The following PLCB1 variants were observed in gnomAD, a reference collection of about 807,000 sequenced individuals.
PLCB1 encodes the protein 1-phosphatidylinositol 4,5-bisphosphate phosphodiesterase beta-1.
Under a neutral mutation model 161.8 loss-of-function variants are expected in PLCB1, and 46 were observed. The ratio of observed to expected loss-of-function variants is 0.28; its 90% CI spans 0.22 to 0.36. The LOEUF is 0.36. Among genes scored for constraint, PLCB1 ranks in the 10% least tolerant of loss-of-function variants. The probability of loss-of-function intolerance (pLI) is 1.00; values close to 1 mark genes in which losing one functional copy is unlikely to be tolerated. For missense variants in PLCB1, 1,016 were observed against 1,472.5 expected, an observed-to-expected ratio of 0.69 and a Z score of 5.07; for synonymous variants, 517 against 503.7, an observed-to-expected ratio of 1.03 and a Z score of -0.35.
At chr20:8,274,550 A>G (rs1259827545) in intron 2 of PLCB1, among the ~76,000 whole-genome samples, 1 of 151,914 alleles carries the variant, frequency 6.6e-6, no homozygotes, top group Non-Finnish European at 1.5e-5. Context: ...ATATTTCATT[A>G]GTACTAGCAC....
intron 9 of PLCB1, among the ~76,000 whole-genome samples, chr20:8,667,835 A>G (rs1428565308): frequency 6.6e-6 from 1 of 152,152 alleles, no homozygotes; most frequent in African/African-American, 2.4e-5. Flanking sequence ...ATTTCATGGG[A>G]GAGCTATTGG....
chr20:8,757,904 C>T (rs143229982), intron 24 of PLCB1, among the ~76,000 whole-genome samples: 6 of 150,426 alleles, frequency 4.0e-5, no homozygotes, highest in African/African-American at 1.5e-4. Context: ...AAATAAAAAT[C>T]CTTTGATTTC....
intron 2 of PLCB1, among the ~76,000 whole-genome samples, chr20:8,366,308 A>T (rs1041643748): frequency 6.6e-6 from 1 of 151,928 alleles, no homozygotes. Flanking sequence ...AAGACCCTAA[A>T]ATTAATTATT....
intron 2 of PLCB1, among the ~76,000 whole-genome samples, chr20:8,298,115 T>A (rs1357027417): frequency 6.6e-6 from 1 of 151,818 alleles, no homozygotes; most frequent in Non-Finnish European, 1.5e-5. Flanking sequence ...AACAACATAG[T>A]GAGACCCTGT....
intron 2 of PLCB1, among the ~76,000 whole-genome samples, chr20:8,192,252 C>G (rs2051977769): frequency 6.6e-6 from 1 of 151,930 alleles, no homozygotes; most frequent in South Asian, 2.1e-4. Context: ...TCTGTTTATA[C>G]CTATCTCATG....
chr20:8,326,988 C>G (rs1456644184), intron 2 of PLCB1, among the ~76,000 whole-genome samples: 1 of 152,208 alleles, frequency 6.6e-6, no homozygotes, highest in African/African-American at 2.4e-5. Flanking sequence ...TGGGCTCAAG[C>G]AATTATCCCA....
chr20:8,556,609 A>C (rs1985959885), intron 3 of PLCB1, among the ~76,000 whole-genome samples: 1 of 151,704 alleles, frequency 6.6e-6, no homozygotes, highest in South Asian at 2.1e-4. Flanking sequence ...ACAGCAGGAA[A>C]TGAAGGCTAA....
intron 2 of PLCB1, among the ~76,000 whole-genome samples, chr20:8,282,662 G>A (rs1982925198): frequency 6.6e-6 from 1 of 152,134 alleles, no homozygotes; most frequent in African/African-American, 2.4e-5. Flanking sequence ...AAATAAGCAT[G>A]CAAAGCAAGG....
chr20:8,590,050 G>A (rs1600174112), intron 3 of PLCB1, among the ~76,000 whole-genome samples: 1 of 152,080 alleles, frequency 6.6e-6, no homozygotes, highest in East Asian at 1.9e-4. Flanking sequence ...ATGAATTTCG[G>A]GTGGGGACAT....
At chr20:8,421,944 A>G (rs1979554117) in intron 3 of PLCB1, among the ~76,000 whole-genome samples, 2 of 152,238 alleles carry the variant, frequency 1.3e-5, no homozygotes, top group Admixed American at 6.5e-5. Context: ...CGTTGAAGTT[A>G]AAGACCTGCT....
intron 3 of PLCB1, among the ~76,000 whole-genome samples, chr20:8,423,866 G>C (rs937272777): frequency 3.3e-5 from 5 of 152,210 alleles, no homozygotes; most frequent in Admixed American, 6.5e-5. Flanking sequence ...TCTATGCATC[G>C]CTCAGAGCTT....
chr20:8,851,738 T>G (rs1464011272), intron 31 of PLCB1, among the ~76,000 whole-genome samples: 1 of 151,946 alleles, frequency 6.6e-6, no homozygotes, highest in African/African-American at 2.4e-5. Flanking sequence ...TTTTTTTCAT[T>G]TTTTTTCATT....
intron 3 of PLCB1, among the ~76,000 whole-genome samples, chr20:8,612,755 T>A (rs1987938683): frequency 1.3e-5 from 2 of 152,224 alleles, no homozygotes; most frequent in African/African-American, 4.8e-5. Flanking sequence ...ACTACCAACC[T>A]AATTAATGAC....
intron 2 of PLCB1, among the ~76,000 whole-genome samples, chr20:8,153,422 G>A (rs1461779577): frequency 6.6e-6 from 1 of 152,112 alleles, no homozygotes; most frequent in Non-Finnish European, 1.5e-5. Context: ...AGTCATGGGT[G>A]AGAAGGGAGT....
chr20:8,863,607 A>G (rs183517967), intron 31 of PLCB1, among the ~76,000 whole-genome samples: 66 of 152,340 alleles, frequency 4.3e-4, no homozygotes, highest in African/African-American at 1.5e-3. Flanking sequence ...GGAGACCTCA[A>G]TTTGGGAGCT....
intron 31 of PLCB1, among the ~76,000 whole-genome samples, chr20:8,847,729 A>G (rs1600378992): frequency 6.6e-6 from 1 of 152,182 alleles, no homozygotes; most frequent in East Asian, 1.9e-4. Flanking sequence ...CTCAGCTTCA[A>G]TAATTTACTA....
At chr20:8,655,780 TC>T (rs2123314694) in intron 7 of PLCB1, among the ~76,000 whole-genome samples, 1 of 152,156 alleles carries the variant, frequency 6.6e-6, no homozygotes, top group East Asian at 1.9e-4. Context: ...TTGAGCATGT[TC>T]TTGCAATTGA....
intron 2 of PLCB1, among the ~76,000 whole-genome samples, chr20:8,289,287 T>C (rs1983273455): frequency 6.6e-6 from 1 of 152,190 alleles, no homozygotes; most frequent in Non-Finnish European, 1.5e-5. Context: ...GCAGTGCTTC[T>C]CAGGCTTTAA....
chr20:8,283,588 A>T (rs1438317982), intron 2 of PLCB1, among the ~76,000 whole-genome samples: 2 of 151,580 alleles, frequency 1.3e-5, no homozygotes, highest in Non-Finnish European at 2.9e-5. Context: ...TAAAATAAAA[A>T]AATTATTTTT....
Sources: gnomAD v4.1 joint callset for allele counts (sites outside exome capture counted in the v4.1 genomes callset) on GRCh38, gnomAD v4.1.1 for gene constraint, MANE v1.5 for transcripts, NCBI Gene and HGNC (gene_info 2026-07-23, HGNC 2026-07-21) for gene names.